The following CA13 variants were observed in gnomAD, a reference collection of about 807,000 sequenced individuals.
CA13 encodes the protein carbonic anhydrase 13, also known as CA-XIII.
CA13 carries 21 observed loss-of-function variants against 31.5 expected under a neutral mutation model. The ratio of observed to expected loss-of-function variants is 0.67; its 90% confidence interval spans 0.47 to 0.96. CA13 has a LOEUF of 0.96. Among genes scored for constraint, CA13 ranks in the 40% least tolerant of loss-of-function variants. CA13 has a pLI of 0.00. For synonymous variants in CA13, 117 were observed against 111.4 expected, an observed-to-expected ratio of 1.05 and a Z score of -0.32; for missense variants, 315 against 318.9, an observed-to-expected ratio of 0.99 and a Z score of 0.09.
chr8:85,252,952 T>C (rs1807219501), intron 2 of CA13, among the ~76,000 whole-genome samples: 1 of 147,270 alleles, frequency 6.8e-6, no homozygotes, highest in Non-Finnish European at 1.5e-5. Context: ...TTTTCTTTTC[T>C]TTTTTTTTTT....
intron 6 of CA13, among the ~76,000 whole-genome samples, chr8:85,278,985 C>T (rs1210437891): frequency 6.6e-6 from 1 of 152,070 alleles, no homozygotes; most frequent in African/African-American, 2.4e-5. Flanking sequence ...CCATTATGTT[C>T]CATAACAGAA....
chr8:85,274,415 T>C (rs1458870223), intron 6 of CA13, among the ~76,000 whole-genome samples: 1 of 152,106 alleles, frequency 6.6e-6, no homozygotes, highest in East Asian at 1.9e-4. Context: ...CTACCAGTAT[T>C]TTAAATCCTC....
intron 4 of CA13, chr8:85,267,235 C>T: frequency 1.0e-6 from 1 of 988,332 alleles, no homozygotes; most frequent in South Asian, 4.6e-5. Flanking sequence ...CTTTGTCACA[C>T]CCCATACTCT....
In CA13 at chr8:85,250,791, C is replaced by T. The variant is rs1422763795; in HGVS notation, c.89C>T (p.Ser30Phe). 1 of 1,613,832 alleles carries T rather than the reference C, an allele frequency of 6.2e-7. No individual in the cohort carries two copies. The highest frequency in any genetic ancestry group is 8.5e-7 in the Non-Finnish European group (1 of 1,179,894). ...FFPIADGDQQ[S>F]PIEIKTKEVK... Reference sequence around the variant, plus strand: ...CCTATTGCTGATGGTGATCAGCAATCTCCAATTGAGATTAAAACCAAAGAA... The same window carrying T: ...CCTATTGCTGATGGTGATCAGCAATTTCCAATTGAGATTAAAACCAAAGAA... The change falls in exon 2 of 7, where the codon TCT (serine) becomes TTT (phenylalanine). Residue 30 changes from serine (S) to phenylalanine (F), a missense_variant. Physicochemically the swap from Ser to Phe is radical, Grantham distance 155. Transcript: ENST00000321764.
At position 85,245,541 on chromosome 8, in the gene CA13, C is replaced by T; in HGVS notation, c.-288C>T. On this transcript the variant is annotated 5_prime_UTR_variant, in exon 1 of 7. Transcript: ENST00000321764. Reference sequence around the variant, plus strand: ...GAAGGCAGGAGATCCCCCCCGGAAACCTTTCTCTCTCCGTCTCTCCCTCTA... The same window carrying T: ...GAAGGCAGGAGATCCCCCCCGGAAATCTTTCTCTCTCCGTCTCTCCCTCTA... 1 of 445,234 alleles carries T rather than the reference C, an allele frequency of 2.2e-6. No homozygotes were observed. Among genetic ancestry groups the T allele is most frequent in the South Asian group, 2.8e-5 (1 of 36,270 alleles). The allele number at this position is 445,234 out of a possible 1,614,324, so 27.6% of individuals were successfully genotyped here.
rs529077959 is a variant in CA13, at chr8:85,250,780, T to G, written c.78T>G (p.Gly26=). ...HWKEFFPIAD[G]DQQSPIEIKT... ...AGGAATTTTTCCCTATTGCTGATGG[T>G]GATCAGCAATCTCCAATTGAGATTA... The change falls in exon 2 of 7, where the codon GGT becomes GGG. Residue 26 remains glycine, a synonymous_variant. Transcript: ENST00000321764. 968 of 1,613,382 alleles carry G rather than the reference T, an allele frequency of 6.0e-4. 14 individuals are homozygous for G. The South Asian group carries it at 0.01, about 17-fold the overall frequency.
intron 6 of CA13, among the ~76,000 whole-genome samples, chr8:85,275,937 C>T (rs1807596193): frequency 6.6e-6 from 1 of 152,270 alleles, no homozygotes; most frequent in Middle Eastern, 3.2e-3. Flanking sequence ...TCAGCGCCTC[C>T]TCTGCCTGGG....
At chr8:85,268,725 G>A (rs1452745512) in intron 6 of CA13, 98 bp downstream of exon 6, 2 of 1,041,800 alleles carry the variant, frequency 1.9e-6, no homozygotes, top group African/African-American at 1.8e-5. Flanking sequence ...ACTGTGTTTT[G>A]AAGTCTGTTT....
At chr8:85,279,365 G>A (rs183280895) in intron 6 of CA13, among the ~76,000 whole-genome samples, 1 of 152,332 alleles carries the variant, frequency 6.6e-6, no homozygotes, top group Non-Finnish European at 1.5e-5. Flanking sequence ...AGGACACCCA[G>A]AGCCAACAGA....
At chr8:85,276,926 C>T (rs1587546601) in intron 6 of CA13, among the ~76,000 whole-genome samples, 1 of 151,256 alleles carries the variant, frequency 6.6e-6, no homozygotes, top group Non-Finnish European at 1.5e-5. Flanking sequence ...CACCCTGTGT[C>T]TAGCTCAGGG....
At chr8:85,277,800 A>C (rs1003089029) in intron 6 of CA13, among the ~76,000 whole-genome samples, 3 of 152,168 alleles carry the variant, frequency 2.0e-5, no homozygotes, top group Admixed American at 2.0e-4. Flanking sequence ...GAAGTGTCCC[A>C]GTCTGACGTG....
intron 3 of CA13, among the ~76,000 whole-genome samples, chr8:85,263,389 G>T (rs1807412127): frequency 1.3e-5 from 2 of 152,172 alleles, no homozygotes; most frequent in Non-Finnish European, 2.9e-5. Context: ...ATAACTAGCT[G>T]CTGGGTAGAG....
intron 3 of CA13, among the ~76,000 whole-genome samples, chr8:85,260,354 G>A (rs532342175): frequency 3.3e-5 from 5 of 152,142 alleles, no homozygotes; most frequent in Admixed American, 1.3e-4. Flanking sequence ...TACTATTCAC[G>A]TGAAAATAAT....
intron 6 of CA13, among the ~76,000 whole-genome samples, chr8:85,276,174 C>A (rs1490541249): frequency 1.3e-5 from 2 of 152,136 alleles, no homozygotes; most frequent in African/African-American, 4.8e-5. Context: ...GCCGGCCCCG[C>A]GGACCCCGGG....
chr8:85,259,689 T>A (rs1318504933), intron 3 of CA13, 150 bp downstream of exon 3: 1 of 628,238 alleles, frequency 1.6e-6, no homozygotes, highest in Non-Finnish European at 2.8e-6. Context: ...TATGAGAGTT[T>A]ATGAATATGA....
Position 85,271,990 on chromosome 8 carries a change from A to C in CA13, c.669+3363A>C, listed in dbSNP as rs1807533512. On this transcript the variant is annotated intron_variant, in intron 6 of 6. Coordinates refer to ENST00000321764, the MANE Select transcript of CA13 (RefSeq NM_198584.3). ...AGGCCGAGGCAGGAGAATCACTTGA[A>C]CCCGGGAGGCAAGGCTGAAGTGAGC... Among the ~76,000 whole-genome samples the C allele has an allele frequency of 2.0e-5, 3 of 151,922 alleles. No homozygotes were observed. The South Asian group carries it at 6.2e-4, about 32-fold the overall frequency.
chr8:85,246,296 A>G (rs1563997874), intron 1 of CA13: 3 of 456,556 alleles, frequency 6.6e-6, no homozygotes. Flanking sequence ...CAAATCATAG[A>G]AAATCTTTAA....
intron 6 of CA13, among the ~76,000 whole-genome samples, chr8:85,279,635 G>A (rs1314779791): frequency 2.0e-5 from 3 of 152,168 alleles, no homozygotes; most frequent in African/African-American, 7.2e-5. Context: ...AGCTAGGGTT[G>A]TGGGAGAAAA....
At chr8:85,253,280 T>G (rs934764553) in intron 2 of CA13, among the ~76,000 whole-genome samples, 1 of 151,318 alleles carries the variant, frequency 6.6e-6, no homozygotes, top group African/African-American at 2.4e-5. Flanking sequence ...TATTTATTTT[T>G]TTGAGACAAG....
Sources: gnomAD v4.1 joint callset for allele counts (sites outside exome capture counted in the v4.1 genomes callset) on GRCh38, gnomAD v4.1.1 for gene constraint, MANE v1.5 for transcripts, NCBI Gene and HGNC (gene_info 2026-07-23, HGNC 2026-07-21) for gene names.